SPPL2B: variants seen among roughly 807,000 people sequenced by gnomAD.
SPPL2B encodes signal peptide peptidase-like 2B.
Under a neutral mutation model 59.7 loss-of-function variants are expected in SPPL2B, and 39 were observed. The observed-to-expected ratio is 0.65, with a 90% CI of 0.51 to 0.85. The LOEUF is 0.85. Ranked by LOEUF, SPPL2B falls within the 40% of genes least tolerant of loss-of-function variation. The pLI is 0.00. For synonymous variants in SPPL2B, 419 were observed against 370.8 expected, an observed-to-expected ratio of 1.13 and a Z score of -1.49; for missense variants, 865 against 849.0, an observed-to-expected ratio of 1.02 and a Z score of -0.23.
chr19:2,329,795 C>G (rs1181941412), intron 1 of SPPL2B, among the ~76,000 whole-genome samples: 1 of 152,204 alleles, frequency 6.6e-6, no homozygotes, highest in Non-Finnish European at 1.5e-5. Context: ...CAGATGAGTG[C>G]GCCGTCCAGT....
chr19:2,350,160 ACG>A (rs1310533699), intron 13 of SPPL2B, among the ~76,000 whole-genome samples: 41 of 100,578 alleles, frequency 4.1e-4, no homozygotes, highest in Middle Eastern at 9.4e-3. Context: ...ACACACACTC[ACG>A]CGCTCTCATT....
intron 14 of SPPL2B, 141 bp downstream of exon 14, chr19:2,351,735 G>C: frequency 8.5e-7 from 1 of 1,170,752 alleles, no homozygotes; most frequent in Non-Finnish European, 1.2e-6. Flanking sequence ...TGCTTTGGGT[G>C]TCATGCGCGT....
Position 2,340,086 on chromosome 19 carries a change from C to A in SPPL2B, c.753C>A (p.Val251=). The part of the protein sequence containing the change: ...YYFYDLLVYV[V]IGIFCLASAT... ...GCCCTGCCCCTGCAGTGTACGTGGT[C>A]ATCGGGATCTTCTGCCTGGCCTCCG... Residue 251 remains valine (V), a synonymous_variant, in exon 7 of 15, where the codon GTC becomes GTA. Coordinates refer to ENST00000613503, the MANE Select transcript of SPPL2B (RefSeq NM_152988.3). 2 of 1,594,608 alleles carry A rather than the reference C, an allele frequency of 1.3e-6. No individual in the cohort carries two copies. The highest frequency in any genetic ancestry group is 1.7e-5 in the Admixed American group (1 of 58,484).
At chr19:2,336,588 A>G (rs867110262) in intron 2 of SPPL2B, among the ~76,000 whole-genome samples, 4 of 151,280 alleles carry the variant, frequency 2.6e-5, no homozygotes, top group Middle Eastern at 3.4e-3. Flanking sequence ...TTGAGTGCAC[A>G]GGTATGTGCT....
chr19:2,344,403 G>C lies in SPPL2B; in HGVS notation c.1155G>C (p.Ser385=). The C allele has an allele frequency of 6.5e-7, 1 of 1,535,236 alleles. No homozygotes were observed. The highest frequency in any genetic ancestry group is 8.8e-7 in the Non-Finnish European group (1 of 1,137,366). The change falls in exon 11 of 15, where the codon TCG becomes TCC. Residue 385 remains serine (S), a synonymous_variant. Transcript: ENST00000613503. ...TGGTGGAGGTGGCCACTGGGCCCTC[G>C]GACTCAGCCACCCGTGAGAAGGTGT... ...SIMVEVATGP[S]DSATREKLPM... is the part of the protein sequence containing the mutation.
chr19:2,337,738 T>G, intron 3 of SPPL2B, 113 bp downstream of exon 3: 1 of 1,111,736 alleles, frequency 9.0e-7, no homozygotes, highest in Non-Finnish European at 1.2e-6. Context: ...TAAAGGCAGA[T>G]CCATCTGTGG....
chr19:2,344,584 A>T lies in SPPL2B; in HGVS notation c.1208A>T (p.Asn403Ile). 1 of 1,612,616 alleles carries T rather than the reference A, an allele frequency of 6.2e-7. No individual in the cohort carries two copies. Among genetic ancestry groups the T allele is most frequent in the East Asian group, 2.2e-5 (1 of 44,802 alleles). The part of the protein sequence containing the change: ...LPMVLKVPRL[N>I]SSPLALCDRP... ...ATGGTCCTGAAGGTGCCCAGGCTGA[A>T]CTCCTCACCTCTGGCCCTGTGTGAC... The change falls in exon 12 of 15, where the codon AAC (asparagine) becomes ATC (isoleucine). Residue 403 changes from asparagine to isoleucine, a missense_variant. Physicochemically the swap from Asn to Ile is moderately radical, Grantham distance 149. Coordinates refer to ENST00000613503, the MANE Select transcript of SPPL2B (RefSeq NM_152988.3).
At chr19:2,341,610 T>C (rs1373809001) in intron 8 of SPPL2B, 1 of 456,226 alleles carries the variant, frequency 2.2e-6, no homozygotes, top group Non-Finnish European at 4.4e-6. Flanking sequence ...CTGTCGCTGA[T>C]ACCATCTGGC....
chr19:2,340,861 C>T, intron 7 of SPPL2B, 37 bp from the exon 8 acceptor site: 1 of 1,349,610 alleles, frequency 7.4e-7, no homozygotes, highest in Non-Finnish European at 1.0e-6. Context: ...AGGCCGGGAG[C>T]TGGTGGGCTT....
chr19:2,349,150 T>C (rs1453700260), intron 13 of SPPL2B, among the ~76,000 whole-genome samples: 2 of 83,022 alleles, frequency 2.4e-5, no homozygotes, highest in Non-Finnish European at 4.7e-5. Context: ...CTCATTCGCT[T>C]GATTCCATTC....
chr19:2,343,919 A>AG (rs1407995887), intron 9 of SPPL2B, 46 bp from the exon 10 acceptor site: 3 of 1,420,746 alleles, frequency 2.1e-6, no homozygotes, highest in Non-Finnish European at 2.9e-6. Context: ...GGAGTGGGGG[A>AG]GGCACGGGCC....
chr19:2,336,792 GGTGT>G lies in SPPL2B; in HGVS notation c.187-639_187-636del, dbSNP rs3044122. ...GTGCATGCACTCCAGCCTGGCTGTG[GGTGT>G]GTGTGTGTGTGCGCGCTGGCCTGGC... On this transcript the variant is annotated intron_variant, in intron 2 of 14. Transcript: ENST00000613503. Among the ~76,000 whole-genome samples the G allele has an allele frequency of 1.5e-4, 22 of 147,982 alleles. No homozygotes were observed. In the East Asian group the frequency reaches 1.8e-3, roughly 12 times the overall value.
In SPPL2B at chr19:2,353,383, G is replaced by A. The variant is rs1970038890; in HGVS notation, c.*174G>A. ...CGAGACCCCTGCGGTCTGTGCCCGC[G>A]CCCAGCCCAGCTGCCCCGGCTGCAC... On this transcript the variant is annotated 3_prime_UTR_variant, in exon 15 of 15. Transcript: ENST00000613503. 7.9e-6 allele frequency: 6 copies of A among 762,666 alleles called. No individual in the cohort carries two copies. The highest frequency in any genetic ancestry group is 3.7e-5 in the African/African-American group (2 of 54,712). 47.2% of individuals were successfully genotyped at this position (762,666 alleles called of 1,614,324 possible). A position where few individuals can be genotyped will look rare whatever the true frequency, so the allele number is the denominator to read the frequency against.
intron 2 of SPPL2B, among the ~76,000 whole-genome samples, chr19:2,336,546 CAT>C (rs1232015593): frequency 1.3e-5 from 2 of 151,160 alleles, no homozygotes; most frequent in Non-Finnish European, 1.5e-5. Context: ...TGTGTGTATG[CAT>C]GTGTGTGTAA....
rs1463684640 is a variant in SPPL2B, at chr19:2,343,974, C to G, written c.1048C>G (p.Leu350Val). Reference protein sequence around the residue: ...IRLPTFKACTLLLLVLFLYDI... With the variant: ...IRLPTFKACTVLLLVLFLYDI... Reference sequence around the variant, plus strand: ...GCCGTGGGCTTCGCAGGCCTGCACGCTGCTGCTGCTGGTGCTGTTCCTCTA... The same window carrying G: ...GCCGTGGGCTTCGCAGGCCTGCACGGTGCTGCTGCTGGTGCTGTTCCTCTA... Residue 350 changes from leucine (L) to valine (V), a missense_variant, in exon 10 of 15, where the codon CTG becomes GTG. Coordinates refer to ENST00000613503, the MANE Select transcript of SPPL2B (RefSeq NM_152988.3). The G allele has an allele frequency of 1.3e-6, 2 of 1,545,416 alleles. No homozygotes were observed. Among genetic ancestry groups the G allele is most frequent in the Non-Finnish European group, 1.7e-6 (2 of 1,144,224 alleles).
intron 1 of SPPL2B, among the ~76,000 whole-genome samples, chr19:2,331,410 T>A (rs1968287124): frequency 6.6e-6 from 1 of 152,154 alleles, no homozygotes; most frequent in East Asian, 1.9e-4. Flanking sequence ...AGCCTGAGCT[T>A]TTTCTGCTCC....
chr19:2,343,729 C>T (rs891083039), intron 9 of SPPL2B, among the ~76,000 whole-genome samples: 9 of 152,192 alleles, frequency 5.9e-5, no homozygotes, highest in Non-Finnish European at 1.2e-4. Flanking sequence ...GGCCTCCGCC[C>T]TCCCGTCCCC....
chr19:2,341,560 G>T, intron 8 of SPPL2B: 1 of 453,836 alleles, frequency 2.2e-6, no homozygotes, highest in Non-Finnish European at 4.5e-6. Flanking sequence ...GTGCCGTGTT[G>T]GGAGGACAGA....
At chr19:2,341,364 C>T (rs966073228) in intron 8 of SPPL2B, 23 of 501,030 alleles carry the variant, frequency 4.6e-5, no homozygotes, top group Admixed American at 1.1e-4. Context: ...CCCACGTGCA[C>T]GCCGCAGGTT....
Sources: gnomAD v4.1 joint callset for allele counts (sites outside exome capture counted in the v4.1 genomes callset) on GRCh38, gnomAD v4.1.1 for gene constraint, MANE v1.5 for transcripts, NCBI Gene and HGNC (gene_info 2026-07-23, HGNC 2026-07-21) for gene names.